Variants in NOX4 observed in about 807,000 individuals in gnomAD.
The protein encoded by NOX4 is NADPH oxidase 4, also known as kidney oxidase-1.
A neutral mutation model predicts 87.6 loss-of-function variants in NOX4; 69 were observed. The ratio of observed to expected loss-of-function variants is 0.79; its 90% confidence interval spans 0.65 to 0.96. The LOEUF is 0.96. NOX4 is among the 40% of genes least tolerant of loss of function. The probability of loss-of-function intolerance (pLI) is 0.00; values close to 1 mark genes in which losing one functional copy is unlikely to be tolerated. For synonymous variants in NOX4, 275 were observed against 238.2 expected, an observed-to-expected ratio of 1.15 and a Z score of -1.42; for missense variants, 680 against 681.5, an observed-to-expected ratio of 1.00 and a Z score of 0.02.
At chr11:89,360,910 C>CTACT (rs371418813) in intron 12 of NOX4, among the ~76,000 whole-genome samples, 38 of 152,160 alleles carry the variant, frequency 2.5e-4, no homozygotes, top group African/African-American at 7.9e-4. Context: ...TGCTACCTTA[C>CTACT]TACTGCAAGA....
rs1667819511 is a variant in NOX4 at position 89,418,326 on chromosome 11, T to A, written c.629+3576A>T. 2.0e-5 allele frequency among the ~76,000 whole-genome samples: 3 copies of A among 151,430 alleles called. No individual in the cohort carries two copies. The South Asian group carries it at 6.3e-4, about 32-fold the overall frequency. On this transcript the variant is annotated intron_variant, in intron 8 of 17. Coordinates refer to ENST00000263317, the MANE Select transcript of NOX4 (RefSeq NM_016931.5). ...TAGTGGTTAAGAATGTTAATTTTGG[T>A]ACCTGATACCTGGGTTCAAACTGGA... is the stretch of plus-strand genomic sequence containing the variant.
At chr11:89,478,308 G>C (rs935164784) in intron 2 of NOX4, among the ~76,000 whole-genome samples, 3 of 152,080 alleles carry the variant, frequency 2.0e-5, no homozygotes, top group South Asian at 2.1e-4. Flanking sequence ...TTTTCATGTA[G>C]CTCAATTAAT....
the NOX4 span, among the ~76,000 whole-genome samples, chr11:89,574,536 G>A: frequency 6.6e-6 from 1 of 152,106 alleles, no homozygotes; most frequent in South Asian, 2.1e-4. Flanking sequence ...TTAGCTCTTT[G>A]TTATGCTCTT....
At chr11:89,475,507 A>G (rs12803625) in intron 2 of NOX4, among the ~76,000 whole-genome samples, 3,996 of 152,126 alleles carry the variant, frequency 0.026, 112 homozygotes, top group Middle Eastern at 0.068. Flanking sequence ...AAACTTCTAA[A>G]AATTACCTTG....
the NOX4 span, among the ~76,000 whole-genome samples, chr11:89,506,707 G>A: frequency 0.76 from 114,706 of 151,686 alleles, 43,589 homozygotes; most frequent in Admixed American, 0.8. Context: ...TGTATCTAAA[G>A]TACATAAAAG....
intron 8 of NOX4, among the ~76,000 whole-genome samples, chr11:89,412,791 C>G (rs1396109678): frequency 6.6e-6 from 1 of 151,970 alleles, no homozygotes; most frequent in Non-Finnish European, 1.5e-5. Flanking sequence ...TGAGTAATAT[C>G]CCACAAGCAA....
chr11:89,425,316 G>C (rs897250972), intron 7 of NOX4, among the ~76,000 whole-genome samples: 1 of 150,274 alleles, frequency 6.7e-6, no homozygotes, highest in Non-Finnish European at 1.5e-5. Flanking sequence ...ATTTGACTCA[G>C]CTATTCTACA....
At chr11:89,348,252 T>C (rs1247269642) in intron 13 of NOX4, among the ~76,000 whole-genome samples, 2 of 151,944 alleles carry the variant, frequency 1.3e-5, no homozygotes, top group African/African-American at 2.4e-5. Context: ...TTGTCTCTAC[T>C]AAAAACGCAA....
the NOX4 span, among the ~76,000 whole-genome samples, chr11:89,503,646 G>A: frequency 4.6e-5 from 7 of 151,342 alleles, no homozygotes; most frequent in Admixed American, 1.3e-4. Flanking sequence ...CTGAACCCTG[G>A]CTCTGCCATT....
chr11:89,413,538 C>A lies in NOX4; in HGVS notation c.629+8364G>T, dbSNP rs1942599043. 3.3e-5 allele frequency among the ~76,000 whole-genome samples: 5 copies of A among 152,062 alleles called. No homozygotes were observed. The South Asian group carries it at 8.3e-4, about 25-fold the overall frequency. ...CTCATTTTCAACGACGTGGGTGGAACTGAGGTCATTGTGTTAAGTGAAATA... is the reference window on the plus strand; with the variant it reads ...CTCATTTTCAACGACGTGGGTGGAAATGAGGTCATTGTGTTAAGTGAAATA... On this transcript the variant is annotated intron_variant, in intron 8 of 17. Coordinates refer to ENST00000263317, the MANE Select transcript of NOX4 (RefSeq NM_016931.5).
intron 4 of NOX4, among the ~76,000 whole-genome samples, chr11:89,448,326 T>C (rs1944800443): frequency 6.6e-6 from 1 of 152,138 alleles, no homozygotes; most frequent in African/African-American, 2.4e-5. Flanking sequence ...TCGGAATCCA[T>C]GTCCTTCATC....
At chr11:89,334,782 A>G (rs1365106364) in intron 17 of NOX4, among the ~76,000 whole-genome samples, 1 of 151,758 alleles carries the variant, frequency 6.6e-6, no homozygotes, top group African/African-American at 2.4e-5. Flanking sequence ...TTTTAAAATG[A>G]AATATTTAAT....
chr11:89,422,858 G>A (rs1943160729), intron 7 of NOX4, among the ~76,000 whole-genome samples: 1 of 146,172 alleles, frequency 6.8e-6, no homozygotes, highest in South Asian at 2.1e-4. Context: ...GGAGTGCAGT[G>A]GTGCAATCTC....
chr11:89,417,026 T>C (rs1317101945), intron 8 of NOX4, among the ~76,000 whole-genome samples: 1 of 152,146 alleles, frequency 6.6e-6, no homozygotes, highest in Non-Finnish European at 1.5e-5. Flanking sequence ...TCCAGAATTA[T>C]CACATTATAG....
At position 89,423,482 on chromosome 11, in the gene NOX4, A is replaced by G. The variant is rs529597312; in HGVS notation, c.549-1500T>C. 2.0e-5 allele frequency among the ~76,000 whole-genome samples: 3 copies of G among 152,148 alleles called. No individual in the cohort carries two copies. The East Asian group carries it at 5.8e-4, about 29-fold the overall frequency. ...CCACCTTTATTATCTGCAGGTTCTT[A>G]TATATTGCAAGGTCATTTACAGGGC... On this transcript the variant is annotated intron_variant, in intron 7 of 17. Transcript: ENST00000263317.
intron 2 of NOX4, among the ~76,000 whole-genome samples, chr11:89,472,869 T>C (rs912432590): frequency 2.6e-5 from 4 of 152,166 alleles, no homozygotes; most frequent in Non-Finnish European, 5.9e-5. Context: ...TGTAAATGAT[T>C]ATGAAATTTT....
chr11:89,444,466 A>AACACAC (rs59319897), intron 4 of NOX4, among the ~76,000 whole-genome samples: 9 of 147,234 alleles, frequency 6.1e-5, no homozygotes, highest in African/African-American at 1.8e-4. Flanking sequence ...GGATAAGAGA[A>AACACAC]ACACACACAC....
chr11:89,415,119 A>G (rs980198806), intron 8 of NOX4, among the ~76,000 whole-genome samples: 12 of 152,042 alleles, frequency 7.9e-5, no homozygotes, highest in Admixed American at 2.0e-4. Flanking sequence ...TAAAATAGAA[A>G]TGATAGAAGA....
the NOX4 span, among the ~76,000 whole-genome samples, chr11:89,532,159 G>A: frequency 1.4e-4 from 22 of 152,204 alleles, no homozygotes; most frequent in Non-Finnish European, 2.4e-4. Flanking sequence ...ACTGCCTAGT[G>A]GAGCTGTGAA....
Sources: gnomAD v4.1 joint callset for allele counts (sites outside exome capture counted in the v4.1 genomes callset) on GRCh38, gnomAD v4.1.1 for gene constraint, MANE v1.5 for transcripts, NCBI Gene and HGNC (gene_info 2026-07-23, HGNC 2026-07-21) for gene names.